Variants in PCTP observed in about 807,000 individuals in gnomAD.
PCTP encodes the protein START domain-containing protein 2.
In PCTP, 27 loss-of-function variants were observed where a neutral mutation model predicts 31.0. That is an observed-to-expected ratio of 0.87 (90% CI 0.64 to 1.20). PCTP has a LOEUF of 1.20. PCTP is among the 50% of genes most tolerant of loss of function. The probability of loss-of-function intolerance (pLI) is 0.00; values close to 1 mark genes in which losing one functional copy is unlikely to be tolerated. For synonymous variants in PCTP, 108 were observed against 101.2 expected (o/e 1.07, Z -0.40); for missense variants, 287 against 268.2 (o/e 1.07, Z -0.49).
intron 1 of PCTP, among the ~76,000 whole-genome samples, chr17:55,766,168 G>T (rs1275888007): frequency 6.6e-6 from 1 of 152,024 alleles, no homozygotes; most frequent in Non-Finnish European, 1.5e-5. Context: ...TGAGAGCAGG[G>T]CCTGCACCTG....
At chr17:55,849,667 A>C in the PCTP span, among the ~76,000 whole-genome samples, 1 of 152,128 alleles carries the variant, frequency 6.6e-6, no homozygotes, top group African/African-American at 2.4e-5. Context: ...CACTAATTCT[A>C]CACAATATCT....
intron 3 of PCTP, among the ~76,000 whole-genome samples, chr17:55,812,044 T>C (rs1912769600): frequency 6.6e-6 from 1 of 152,198 alleles, no homozygotes; most frequent in African/African-American, 2.4e-5. Context: ...TTGTGATCTG[T>C]ATTTTACAGA....
intron 1 of PCTP, among the ~76,000 whole-genome samples, chr17:55,766,140 A>G (rs959563619): frequency 2.6e-5 from 4 of 152,048 alleles, no homozygotes; most frequent in Non-Finnish European, 1.5e-5. Flanking sequence ...ACTGCTGCCT[A>G]CCTGAATTTA....
chr17:55,775,229 G>T, intron 5 of PCTP: 1 of 1,260,294 alleles, frequency 7.9e-7, no homozygotes, highest in South Asian at 3.6e-5. Context: ...CTGGCTTGGA[G>T]ACAACCAGAT....
intron 1 of PCTP, among the ~76,000 whole-genome samples, chr17:55,761,573 A>G (rs1910341275): frequency 1.4e-5 from 2 of 147,906 alleles, no homozygotes. Flanking sequence ...ATATAAATAT[A>G]TGTAATATAT....
At chr17:55,760,962 TTCTTTA>T (rs1361629114) in intron 1 of PCTP, among the ~76,000 whole-genome samples, 2 of 152,222 alleles carry the variant, frequency 1.3e-5, no homozygotes, top group Non-Finnish European at 2.9e-5. Flanking sequence ...GTGATGGGTC[TTCTTTA>T]TCTTTATCAT....
chr17:55,819,641 G>T (rs961896798), intron 3 of PCTP, among the ~76,000 whole-genome samples: 1 of 152,106 alleles, frequency 6.6e-6, no homozygotes, highest in Admixed American at 6.6e-5. Flanking sequence ...TGTTGTCCTG[G>T]CTACTTGGGA....
At chr17:55,834,136 T>A (rs941926904) in intron 5 of PCTP, among the ~76,000 whole-genome samples, 23 of 152,120 alleles carry the variant, frequency 1.5e-4, no homozygotes, top group Non-Finnish European at 2.5e-4. Context: ...ACCCCTACTT[T>A]CCTCTTGTAT....
chr17:55,773,905 A>T lies in PCTP; in HGVS notation c.511+10A>T, dbSNP rs770246423. 1.8e-5 allele frequency: 29 copies of T among 1,590,712 alleles called. No homozygotes were observed. Among genetic ancestry groups the T allele is most frequent in the Non-Finnish European group, 2.5e-5 (29 of 1,166,648 alleles). The stretch of plus-strand genomic sequence containing the variant: ...AAGAAGGGGAGCAAAGGTAAAACCC[A>T]TGGTGCCTGTCAGTGCACCCAGCCA... On this transcript the variant is annotated intron_variant, in intron 4 of 5. Transcript: ENST00000268896.
chr17:55,796,353 A>G (rs922862693), intron 3 of PCTP, among the ~76,000 whole-genome samples: 6 of 152,010 alleles, frequency 3.9e-5, no homozygotes, highest in Non-Finnish European at 7.4e-5. Context: ...AGTCTATACT[A>G]TTTACCATCT....
chr17:55,798,212 G>A (rs949097734), intron 3 of PCTP, among the ~76,000 whole-genome samples: 2 of 151,920 alleles, frequency 1.3e-5, no homozygotes, highest in Admixed American at 6.6e-5. Flanking sequence ...GTAGAAAAGG[G>A]TCTAAGAGAT....
downstream of PCTP, among the ~76,000 whole-genome samples, chr17:55,778,892 G>A (rs1182144647): frequency 6.6e-6 from 1 of 152,088 alleles, no homozygotes; most frequent in Non-Finnish European, 1.5e-5. Context: ...CCTTGGAACC[G>A]AGGAGTTCCA....
rs1276228788 is a variant in PCTP, at chr17:55,776,146, A to C, written c.*46A>C. 6 of 1,609,584 alleles carry C rather than the reference A, an allele frequency of 3.7e-6. No individual in the cohort carries two copies. Among genetic ancestry groups the C allele is most frequent in the Non-Finnish European group, 4.2e-6 (5 of 1,177,896 alleles). On this transcript the variant is annotated 3_prime_UTR_variant, in exon 6 of 6. Coordinates refer to ENST00000268896, the MANE Select transcript of PCTP (RefSeq NM_021213.4). ...GCATCCATGGGTTGATGTCTCTGGA[A>C]GTGCAACCACCCAATGTCTCTGGAA...
At chr17:55,837,335 G>A (rs1335631025) in intron 5 of PCTP, among the ~76,000 whole-genome samples, 2 of 152,206 alleles carry the variant, frequency 1.3e-5, no homozygotes, top group Non-Finnish European at 2.9e-5. Context: ...GGATTGGGGA[G>A]AGACAAGAAC....
At chr17:55,793,284 C>T (rs989978668) in intron 3 of PCTP, among the ~76,000 whole-genome samples, 23 of 152,190 alleles carry the variant, frequency 1.5e-4, no homozygotes, top group Non-Finnish European at 1.6e-4. Context: ...GTCAGAAACA[C>T]TTGGGGAGGA....
chr17:55,808,626 C>T (rs183207351), intron 3 of PCTP, among the ~76,000 whole-genome samples: 9 of 152,316 alleles, frequency 5.9e-5, no homozygotes, highest in Admixed American at 3.9e-4. Flanking sequence ...GATGTTCGCA[C>T]GTTATTCCTA....
At chr17:55,808,057 T>C (rs1912630676) in intron 3 of PCTP, among the ~76,000 whole-genome samples, 1 of 152,152 alleles carries the variant, frequency 6.6e-6, no homozygotes, top group South Asian at 2.1e-4. Flanking sequence ...TCCCAAGTCT[T>C]GTGATAGCTT....
At chr17:55,833,031 C>T (rs1205649970) in intron 5 of PCTP, among the ~76,000 whole-genome samples, 1 of 152,198 alleles carries the variant, frequency 6.6e-6, no homozygotes, top group Non-Finnish European at 1.5e-5. Flanking sequence ...GAATGCTTCA[C>T]ACTCACCGCC....
the PCTP span, among the ~76,000 whole-genome samples, chr17:55,851,018 A>T: frequency 6.6e-6 from 1 of 152,198 alleles, no homozygotes; most frequent in African/African-American, 2.4e-5. Context: ...CTCTCAGGTG[A>T]TTCTAATGAT....
Sources: allele counts gnomAD v4.1 joint callset (sites outside exome capture counted in the v4.1 genomes callset), GRCh38; gene constraint gnomAD v4.1.1; transcripts MANE v1.5; gene names NCBI Gene and HGNC (gene_info 2026-07-23, HGNC 2026-07-21).